Variants in FADS6 observed in about 807,000 individuals in gnomAD.
The protein encoded by FADS6 is fatty acid desaturase 6.
Under a neutral mutation model 31.7 loss-of-function variants are expected in FADS6, and 28 were observed. That is an observed-to-expected ratio of 0.88 (90% CI 0.66 to 1.21). The LOEUF (loss-of-function observed/expected upper bound fraction) is 1.21, where lower values mean the gene tolerates loss of function less well. Ranked by LOEUF, FADS6 falls within the 50% of genes most tolerant of loss-of-function variation. The pLI is 0.00. For synonymous variants in FADS6, 191 were observed against 213.1 expected, an observed-to-expected ratio of 0.90 and a Z score of 0.90; for missense variants, 494 against 504.2, an observed-to-expected ratio of 0.98 and a Z score of 0.19.
intron 1 of FADS6, 77 bp downstream of exon 1, chr17:74,893,275 A>T: frequency 7.1e-7 from 1 of 1,412,864 alleles, no homozygotes; most frequent in Non-Finnish European, 9.2e-7. Flanking sequence ...GCTGTTGCAG[A>T]CCCCGCGCCG....
downstream of FADS6, among the ~76,000 whole-genome samples, chr17:74,875,770 T>G (rs918703569): frequency 1.3e-5 from 2 of 152,152 alleles, no homozygotes; most frequent in African/African-American, 4.8e-5. Flanking sequence ...AGCAATAACA[T>G]ATAGCAAAGC....
At position 74,892,658 on chromosome 17, in the gene FADS6, C is replaced by G. The variant is rs537236423; in HGVS notation, c.276G>C (p.Leu92=). The G allele has an allele frequency of 1.2e-5, 20 of 1,613,178 alleles. No homozygotes were observed. In the African/African-American group the frequency reaches 2.3e-4, roughly 18 times the overall value. The change falls in exon 2 of 6, where the codon CTG becomes CTC. Residue 92 remains leucine, a synonymous_variant. Coordinates refer to ENST00000612771, the MANE Select transcript of FADS6 (RefSeq NM_178128.6). ...GFLCLRWENA[L]VFASGITILG... ...AGATGGTGATGCCGGATGCAAAGAC[C>G]AGGGCATTCTCCCAGCGCAGGCACA...
intron 1 of FADS6, among the ~76,000 whole-genome samples, chr17:74,892,993 C>T (rs2038708338): frequency 6.6e-6 from 1 of 152,156 alleles, no homozygotes; most frequent in Admixed American, 6.5e-5. Context: ...GGGGAAACTC[C>T]CACCCCCTCC....
At chr17:74,876,254 A>G (rs1005575941), downstream of FADS6, among the ~76,000 whole-genome samples, 7 of 152,198 alleles carry the variant, frequency 4.6e-5, no homozygotes, top group African/African-American at 1.7e-4. Context: ...ATTTGCCGGC[A>G]GTTTGTCTCC....
At chr17:74,889,616 A>T (rs1167009947) in intron 2 of FADS6, among the ~76,000 whole-genome samples, 1 of 151,858 alleles carries the variant, frequency 6.6e-6, no homozygotes, top group Non-Finnish European at 1.5e-5. Context: ...CTGTAATCCC[A>T]GCACTTTGGG....
In FADS6 at chr17:74,893,461, C is replaced by A. The variant is rs2038715169; in HGVS notation, c.135G>T (p.Leu45=). The A allele has an allele frequency of 3.1e-6, 5 of 1,593,904 alleles. No homozygotes were observed. Among genetic ancestry groups the A allele is most frequent in the Non-Finnish European group, 4.3e-6 (5 of 1,171,958 alleles). The change falls in exon 1 of 6, where the codon CTG becomes CTT. Residue 45 remains leucine, a synonymous_variant. Transcript: ENST00000612771. Reference sequence around the variant, plus strand: ...CCTGCACCAGCACCTCCAGCTCCCGCAGCAGCGCCTCGCCCCCACGGTGCG... The same window carrying A: ...CCTGCACCAGCACCTCCAGCTCCCGAAGCAGCGCCTCGCCCCCACGGTGCG... ...RSAHRGGEAL[L]RELEVLVQDV...
chr17:74,884,389 T>A (rs1470915842), intron 2 of FADS6, among the ~76,000 whole-genome samples: 2 of 152,246 alleles, frequency 1.3e-5, no homozygotes. Flanking sequence ...ATACGTGGAA[T>A]ATTTGGGATA....
downstream of FADS6, among the ~76,000 whole-genome samples, chr17:74,876,169 G>A (rs897095679): frequency 6.6e-6 from 1 of 152,154 alleles, no homozygotes; most frequent in Non-Finnish European, 1.5e-5. Context: ...ACCACAGAGG[G>A]GCTCTCCAAC....
intron 3 of FADS6, among the ~76,000 whole-genome samples, chr17:74,881,940 A>ATT (rs111794833): frequency 6.5e-4 from 94 of 144,650 alleles, no homozygotes; most frequent in African/African-American, 2.0e-3. Flanking sequence ...TCTGCAAAGC[A>ATT]TTTTTTTTTT....
In FADS6 at chr17:74,892,594, G is replaced by C; in HGVS notation, c.340C>G (p.His114Asp). 4 of 1,613,402 alleles carry C rather than the reference G, an allele frequency of 2.5e-6. No individual in the cohort carries two copies. Among genetic ancestry groups the C allele is most frequent in the Non-Finnish European group, 3.4e-6 (4 of 1,179,646 alleles). ...GTGAGGGCCCCATGAGTGGCCAGGT[G>C]GCTGCCCTTGACAGTGAGTGTGTAG... ...CHYTLTVKGSHLATHGALTES... is the reference protein window; with the variant it reads ...CHYTLTVKGSDLATHGALTES... Residue 114 changes from histidine to aspartate, a missense_variant, in exon 2 of 6, where the codon CAC becomes GAC. Transcript: ENST00000612771.
In FADS6 at chr17:74,893,582, T is replaced by C; in HGVS notation, c.14A>G (p.Glu5Gly). ...CATGGGCTCCGTAGGTTCCATCGGC[T>C]CCGTGGGTTCCATGGACTCTGTGGG... MEPT[E>G]PMEPTEPMEP... Residue 5 changes from glutamate (E) to glycine (G), a missense_variant, in exon 1 of 6, where the codon GAG (glutamate) becomes GGG (glycine). By Grantham distance (98) the Glu-to-Gly change is moderately conservative. This residue lies in a region of FADS6 where 40 missense variants were observed against 65.7 expected (regional missense o/e 0.61). Coordinates refer to ENST00000612771, the MANE Select transcript of FADS6 (RefSeq NM_178128.6). The C allele has an allele frequency of 7.0e-7, 1 of 1,425,086 alleles. No individual in the cohort carries two copies. Among genetic ancestry groups the C allele is most frequent in the South Asian group, 1.6e-5 (1 of 64,010 alleles). The allele number at this position is 1,425,086 out of a possible 1,614,324, so 88.3% of individuals were successfully genotyped here.
At chr17:74,891,381 C>T (rs1339482749) in intron 2 of FADS6, among the ~76,000 whole-genome samples, 1 of 151,986 alleles carries the variant, frequency 6.6e-6, no homozygotes, top group Non-Finnish European at 1.5e-5. Flanking sequence ...TCATTCTGCC[C>T]CTGTGACCCA....
intron 2 of FADS6, among the ~76,000 whole-genome samples, chr17:74,891,536 G>A (rs1026858202): frequency 9.9e-5 from 15 of 152,028 alleles, no homozygotes; most frequent in Admixed American, 7.2e-4. Flanking sequence ...TCAGGGCTCC[G>A]TGGGAAAGGA....
In FADS6 at chr17:74,878,634, T is replaced by C. The variant is rs570135603; in HGVS notation, c.961-157A>G. 1.1e-4 allele frequency among the ~76,000 whole-genome samples: 16 copies of C among 152,340 alleles called. No individual in the cohort carries two copies. In the South Asian group the frequency reaches 3.3e-3, roughly 32 times the overall value. On this transcript the variant is annotated intron_variant, in intron 5 of 5. Coordinates refer to ENST00000612771, the MANE Select transcript of FADS6 (RefSeq NM_178128.6). ...GAGCAGAAGGGCTTAAGTCAGAGAATTCTTGTCCCTAACCCTGCAGAAGAA... is the reference window on the plus strand; with the variant it reads ...GAGCAGAAGGGCTTAAGTCAGAGAACTCTTGTCCCTAACCCTGCAGAAGAA...
At chr17:74,885,302 C>CAA (rs1197186899) in intron 2 of FADS6, among the ~76,000 whole-genome samples, 1 of 126,490 alleles carries the variant, frequency 7.9e-6, no homozygotes, top group Non-Finnish European at 1.8e-5. Context: ...AAGAAAACCA[C>CAA]AAAAAAAAAA....
Position 74,893,517 on chromosome 17 carries a change from GT to G in FADS6, c.78del (p.Glu26AspfsTer31). 2 of 1,578,398 alleles carry G rather than the reference GT, an allele frequency of 1.3e-6. No individual in the cohort carries two copies. The part of the protein sequence containing the change: ...TEPMEPTEPM[E>X]PTEPMEPARS... ...CGCGCCGGTTCCATGGGCTCCGTAG[GT>G]TCCATGGGCTCCGTAGGTTCCATGG... On this transcript the variant is annotated frameshift_variant, in exon 1 of 6. Transcript: ENST00000612771. LOFTEE classifies it high-confidence loss of function.
intron 2 of FADS6, among the ~76,000 whole-genome samples, chr17:74,885,325 A>C (rs1000684903): frequency 6.6e-6 from 1 of 152,084 alleles, no homozygotes; most frequent in African/African-American, 2.4e-5. Context: ...TAAATAAATA[A>C]ATATTACATT....
downstream of FADS6, among the ~76,000 whole-genome samples, chr17:74,876,740 T>C (rs2038510655): frequency 6.6e-6 from 1 of 152,030 alleles, no homozygotes; most frequent in Non-Finnish European, 1.5e-5. Flanking sequence ...GAAGTTGCAG[T>C]GAGCTGAGAT....
intron 2 of FADS6, among the ~76,000 whole-genome samples, chr17:74,891,244 G>T (rs1173784033): frequency 6.6e-6 from 1 of 151,144 alleles, no homozygotes; most frequent in Non-Finnish European, 1.5e-5. Flanking sequence ...CACCACGTTG[G>T]TCATGCTGGT....
Sources: allele counts gnomAD v4.1 joint callset (sites outside exome capture counted in the v4.1 genomes callset), GRCh38; gene constraint gnomAD v4.1.1; regional missense constraint gnomAD v4.1.1; transcripts MANE v1.5; gene names NCBI Gene and HGNC (gene_info 2026-07-23, HGNC 2026-07-21).